Variants in TRIM34 observed in about 807,000 individuals in gnomAD.
TRIM34 encodes the protein E3 ubiquitin-protein ligase TRIM34.
In TRIM34, 41 loss-of-function variants were observed where a neutral mutation model predicts 38.1. That is an observed-to-expected ratio of 1.08 (90% confidence interval 0.84 to 1.40). The LOEUF is 1.40. TRIM34 is among the 40% of genes most tolerant of loss of function. TRIM34 has a pLI of 0.00. For synonymous variants in TRIM34, 200 were observed against 202.5 expected, an observed-to-expected ratio of 0.99 and a Z score of 0.10; for missense variants, 556 against 571.4, an observed-to-expected ratio of 0.97 and a Z score of 0.27.
In TRIM34 at chr11:5,643,439, T is replaced by C; in HGVS notation, c.1197T>C (p.Val399=). Residue 399 remains valine, a synonymous_variant, in exon 8 of 8, where the codon GTT becomes GTC. Transcript: ENST00000429814. ...ACAGACCTCTATTTGGCTACTGGGT[T>C]ATAGGGTTACAGAATAAATGTAAGT... ...TKYRPLFGYW[V]IGLQNKCKYG... is the part of the protein sequence containing the mutation. 6.2e-7 allele frequency: 1 copy of C among 1,614,184 alleles called. No individual in the cohort carries two copies. Among genetic ancestry groups the C allele is most frequent in the Non-Finnish European group, 8.5e-7 (1 of 1,180,038 alleles).
At position 5,641,331 on chromosome 11, in the gene TRIM34, C is replaced by A; in HGVS notation, c.773+142C>A. ...GTATCGTTATCTTAAATTGCTGGTC[C>A]CCGATGAGTATTTGAGTGTTCCGTA... On this transcript the variant is annotated intron_variant, in intron 5 of 7. Transcript: ENST00000429814. 7.8e-6 allele frequency: 12 copies of A among 1,532,750 alleles called. No individual in the cohort carries two copies. The South Asian group carries it at 1.5e-4, about 19-fold the overall frequency. The allele number at this position is 1,532,750 out of a possible 1,614,324, so 94.9% of individuals were successfully genotyped here.
At chr11:5,641,289 A>G in intron 5 of TRIM34, 100 bp downstream of exon 5, 1 of 1,586,804 alleles carries the variant, frequency 6.3e-7, no homozygotes, top group Non-Finnish European at 8.6e-7. Context: ...AATCTCCCAG[A>G]GTAGTAAAAT....
chr11:5,623,173 C>A (rs1039542688), upstream of TRIM34, among the ~76,000 whole-genome samples: 3 of 145,786 alleles, frequency 2.1e-5, no homozygotes, highest in African/African-American at 5.1e-5. Flanking sequence ...GCCAGGTTTG[C>A]CCTAACCAGT....
intron 4 of TRIM34, among the ~76,000 whole-genome samples, chr11:5,635,862 A>G (rs1849713318): frequency 6.6e-6 from 1 of 152,218 alleles, no homozygotes; most frequent in South Asian, 2.1e-4. Flanking sequence ...TAGTATGGCT[A>G]TAATAAAAAA....
intron 2 of TRIM34, among the ~76,000 whole-genome samples, chr11:5,633,064 T>C (rs1849558547): frequency 6.7e-6 from 1 of 148,248 alleles, no homozygotes; most frequent in Admixed American, 6.7e-5. Context: ...GGTCTTGAAC[T>C]CCTAATCTTG....
intron 5 of TRIM34, 86 bp from the exon 6 acceptor site, chr11:5,642,320 G>C: frequency 8.2e-7 from 1 of 1,220,098 alleles, no homozygotes; most frequent in Non-Finnish European, 1.2e-6. Flanking sequence ...GTGCATCAGT[G>C]ATGTGAAGGA....
chr11:5,633,926 G>T, intron 3 of TRIM34, 27 bp downstream of exon 3: 1 of 1,611,282 alleles, frequency 6.2e-7, no homozygotes, highest in Non-Finnish European at 8.5e-7. Context: ...AAGGTTTTCT[G>T]AGACAGGAAT....
chr11:5,642,512 G>A lies in TRIM34; in HGVS notation c.874+6G>A, dbSNP rs760464956. 5 of 1,613,078 alleles carry A rather than the reference G, an allele frequency of 3.1e-6. No homozygotes were observed. The highest frequency in any genetic ancestry group is 4.2e-6 in the Non-Finnish European group (5 of 1,179,570). ...GATGCTGCAAATGTTTAGAGGTGAG[G>A]AGAAGCAGACAAAGACTGTGGATGT... On this transcript the variant is annotated splice_donor_region_variant and intron_variant, in intron 6 of 7. Coordinates refer to ENST00000429814, the MANE Select transcript of TRIM34 (RefSeq NM_021616.6).
At position 5,643,125 on chromosome 11, in the gene TRIM34, A is replaced by ATTTTT. The variant is rs745849246; in HGVS notation, c.902-12_902-8dup. 3.8e-5 allele frequency: 37 copies of ATTTTT among 974,550 alleles called. No homozygotes were observed. The highest frequency in any genetic ancestry group is 4.5e-5 in the Non-Finnish European group (34 of 761,860). The allele number at this position is 974,550 out of a possible 1,614,324, so 60.4% of individuals were successfully genotyped here. On this transcript the variant is annotated intron_variant, in intron 7 of 7. Transcript: ENST00000429814. ...ATTATATTCATATACATATATATATATTTTTTTTTTTCTTGCAGTGGATGT... is the reference window on the plus strand; with the variant it reads ...ATTATATTCATATACATATATATATATTTTTTTTTTTTTTTTCTTGCAGTGGATGT...
At position 5,644,052 on chromosome 11, in the gene TRIM34, A is replaced by G; in HGVS notation, c.*343A>G. On this transcript the variant is annotated 3_prime_UTR_variant, in exon 8 of 8. Coordinates refer to ENST00000429814, the MANE Select transcript of TRIM34 (RefSeq NM_021616.6). The stretch of plus-strand genomic sequence containing the variant: ...CATGCTACCTAGGTAGTCCATAGGA[A>G]CCACCCCCATGACCACCACCAACAT... 1 of 420,256 alleles carries G rather than the reference A, an allele frequency of 2.4e-6. No homozygotes were observed. The highest frequency in any genetic ancestry group is 1.0e-4 in the South Asian group (1 of 9,716). The allele number at this position is 420,256 out of a possible 1,614,324, so 26.0% of individuals were successfully genotyped here. A position where few individuals can be genotyped will look rare whatever the true frequency, so the allele number is the denominator to read the frequency against.
chr11:5,643,426 T>G lies in TRIM34; in HGVS notation c.1184T>G (p.Phe395Cys). 6.2e-7 allele frequency: 1 copy of G among 1,614,214 alleles called. No individual in the cohort carries two copies. ...QNLYTKYRPLFGYWVIGLQNK... is the reference protein window; with the variant it reads ...QNLYTKYRPLCGYWVIGLQNK... ...CTTTACACCAAATACAGACCTCTAT[T>G]TGGCTACTGGGTTATAGGGTTACAG... The change falls in exon 8 of 8, where the codon TTT becomes TGT. Residue 395 changes from phenylalanine to cysteine, a missense_variant. By Grantham distance (205) the Phe-to-Cys change is radical (BLOSUM62 -2). Coordinates refer to ENST00000429814, the MANE Select transcript of TRIM34 (RefSeq NM_021616.6).
At chr11:5,634,530 C>CACACACACATAT (rs1491498839) in intron 3 of TRIM34, 101 bp from the exon 4 acceptor site, 5 of 262,002 alleles carry the variant, frequency 1.9e-5, no homozygotes, top group African/African-American at 1.6e-4. Context: ...CACACACACA[C>CACACACACATAT]ATATATATAT....
chr11:5,634,563 C>A, intron 3 of TRIM34, 68 bp from the exon 4 acceptor site: 1 of 1,327,578 alleles, frequency 7.5e-7, no homozygotes, highest in Non-Finnish European at 1.0e-6. Context: ...CTACTGGCTC[C>A]TAATCCCTTG....
Position 5,641,149 on chromosome 11 carries a change from T to G in TRIM34, c.751-18T>G. 1 of 1,613,344 alleles carries G rather than the reference T, an allele frequency of 6.2e-7. No individual in the cohort carries two copies. Among genetic ancestry groups the G allele is most frequent in the Non-Finnish European group, 8.5e-7 (1 of 1,179,622 alleles). Reference sequence around the variant, plus strand: ...AGTCTTTATACACTTTGACTCATGTTTTCTCTTTTCTTTCTAGGACATGAG... The same window carrying G: ...AGTCTTTATACACTTTGACTCATGTGTTCTCTTTTCTTTCTAGGACATGAG... On this transcript the variant is annotated intron_variant, in intron 4 of 7. Coordinates refer to ENST00000429814, the MANE Select transcript of TRIM34 (RefSeq NM_021616.6).
rs781646315 is a variant in TRIM34 at position 5,632,631 on chromosome 11, T to G, written c.300T>G (p.His100Gln). The change falls in exon 2 of 8, where the codon CAT (histidine) becomes CAG (glutamine). Residue 100 changes from histidine (H) to glutamine (Q), a missense_variant. Physicochemically the swap from His to Gln is conservative, Grantham distance 24. Coordinates refer to ENST00000429814, the MANE Select transcript of TRIM34 (RefSeq NM_021616.6). Reference protein sequence around the residue: ...NGKKRDLCDHHGEKLLLFCKE... With the variant: ...NGKKRDLCDHQGEKLLLFCKE... The stretch of plus-strand genomic sequence containing the variant: ...AGAAGAGAGATCTCTGTGATCATCA[T>G]GGAGAGAAACTCCTACTCTTCTGTA... 8 of 1,613,264 alleles carry G rather than the reference T, an allele frequency of 5.0e-6. No homozygotes were observed. The highest frequency in any genetic ancestry group is 5.9e-6 in the Non-Finnish European group (7 of 1,179,848).
chr11:5,638,327 T>C (rs1002701046), intron 4 of TRIM34, among the ~76,000 whole-genome samples: 2 of 152,224 alleles, frequency 1.3e-5, no homozygotes, highest in African/African-American at 4.8e-5. Flanking sequence ...GAGGCCAGAA[T>C]TGTGACAGAG....
intron 1 of TRIM34, among the ~76,000 whole-genome samples, chr11:5,629,813 T>C (rs557637653): frequency 1.6e-4 from 24 of 152,300 alleles, no homozygotes; most frequent in South Asian, 6.2e-4. Flanking sequence ...GTTCACGCCA[T>C]TCTCCTGCCT....
At chr11:5,638,182 G>A (rs1030960963) in intron 4 of TRIM34, among the ~76,000 whole-genome samples, 1 of 152,218 alleles carries the variant, frequency 6.6e-6, no homozygotes, top group East Asian at 1.9e-4. Context: ...TCATTGCAGT[G>A]AAGGGAAGTT....
intron 1 of TRIM34, among the ~76,000 whole-genome samples, chr11:5,627,719 T>C (rs1849307374): frequency 6.6e-6 from 1 of 152,100 alleles, no homozygotes; most frequent in South Asian, 2.1e-4. Flanking sequence ...GGGGAGGAGA[T>C]GCTACAATGT....
Sources: gnomAD v4.1 joint callset for allele counts (sites outside exome capture counted in the v4.1 genomes callset) on GRCh38, gnomAD v4.1.1 for gene constraint, MANE v1.5 for transcripts, NCBI Gene and HGNC (gene_info 2026-07-23, HGNC 2026-07-21) for gene names.